Variants in MCC observed in about 807,000 individuals in gnomAD.
MCC encodes the protein colorectal mutant cancer protein.
Under a neutral mutation model 116.2 loss-of-function variants are expected in MCC, and 90 were observed. The ratio of observed to expected loss-of-function variants is 0.77; its 90% CI spans 0.65 to 0.92. The LOEUF is 0.92. Among genes scored for constraint, MCC ranks in the 40% least tolerant of loss-of-function variants. MCC has a pLI of 0.00. For synonymous variants in MCC, 578 were observed against 510.5 expected, an observed-to-expected ratio of 1.13 and a Z score of -1.78; for missense variants, 1,516 against 1,312.2, an observed-to-expected ratio of 1.16 and a Z score of -2.40.
At chr5:113,242,624 T>C (rs1370678304) in intron 3 of MCC, among the ~76,000 whole-genome samples, 1 of 151,940 alleles carries the variant, frequency 6.6e-6, no homozygotes, top group African/African-American at 2.4e-5. Context: ...ACTAATGCCT[T>C]CTTAGACAAC....
chr5:113,088,979 A>G (rs1345909731), intron 8 of MCC, among the ~76,000 whole-genome samples: 1 of 152,082 alleles, frequency 6.6e-6, no homozygotes, highest in African/African-American at 2.4e-5. Flanking sequence ...GTTTCTCTCT[A>G]CAAAATATAT....
intron 11 of MCC, among the ~76,000 whole-genome samples, chr5:113,077,997 C>A (rs6866351): frequency 1.3e-4 from 20 of 152,264 alleles, no homozygotes; most frequent in African/African-American, 4.6e-4. Flanking sequence ...CACAAAAATA[C>A]AAACTACCAT....
intron 3 of MCC, among the ~76,000 whole-genome samples, chr5:113,170,177 G>A (rs929690724): frequency 1.6e-4 from 25 of 152,226 alleles, no homozygotes; most frequent in Admixed American, 6.5e-5. Flanking sequence ...ATTGATGGTA[G>A]TGTCTTAATC....
At position 113,143,283 on chromosome 5, in the gene MCC, T is replaced by C. The variant is rs1351469308; in HGVS notation, c.819A>G (p.Thr273=). 6.2e-7 allele frequency: 1 copy of C among 1,613,850 alleles called. No homozygotes were observed. The highest frequency in any genetic ancestry group is 2.2e-5 in the East Asian group (1 of 44,844). The change falls in exon 5 of 19, where the codon ACA becomes ACG. Residue 273 remains threonine, a synonymous_variant. Transcript: ENST00000408903. ...GCTCCGCAATGACGCTGTGGAGCTC[T>C]GTGATGCGTTCCTCATAGCGAAGTG... is the stretch of plus-strand genomic sequence containing the variant. ...RTTLRYEERI[T]ELHSVIAELN... is the part of the protein sequence containing the mutation.
chr5:113,246,033 G>A (rs1179073478), intron 3 of MCC, among the ~76,000 whole-genome samples: 5 of 152,170 alleles, frequency 3.3e-5, no homozygotes, highest in Admixed American at 2.0e-4. Flanking sequence ...AATATTTCCC[G>A]AGGGGAAGAT....
chr5:113,150,755 AT>A (rs1759809470), intron 4 of MCC, among the ~76,000 whole-genome samples: 2 of 152,194 alleles, frequency 1.3e-5, no homozygotes, highest in Admixed American at 1.3e-4. Context: ...AAGGAAGAAA[AT>A]TAATATTAAC....
chr5:113,114,136 A>T (rs1449007848), intron 6 of MCC, among the ~76,000 whole-genome samples: 1 of 152,188 alleles, frequency 6.6e-6, no homozygotes, highest in Non-Finnish European at 1.5e-5. Context: ...AGAGAAAAAA[A>T]TCAAAATGTG....
At position 113,117,316 on chromosome 5, in the gene MCC, C is replaced by T. The variant is rs935588488; in HGVS notation, c.1027+5368G>A. On this transcript the variant is annotated intron_variant, in intron 6 of 18. Coordinates refer to ENST00000408903, the MANE Select transcript of MCC (RefSeq NM_001085377.2). ...AACATATTTCACAGTCACAACCGCA[C>T]CAAAAAACCAGGTTTCATGTGGAAA... is the stretch of plus-strand genomic sequence containing the variant. Among the ~76,000 whole-genome samples, 3 of 152,134 alleles carry T rather than the reference C, an allele frequency of 2.0e-5. No homozygotes were observed. In the South Asian group the frequency reaches 6.2e-4, roughly 32 times the overall value.
At chr5:113,037,468 G>C (rs2416301) in intron 17 of MCC, among the ~76,000 whole-genome samples, 33,582 of 152,134 alleles carry the variant, frequency 0.22, 3,833 homozygotes, top group Middle Eastern at 0.28. Flanking sequence ...TGAGGCGGGC[G>C]GATCAGTTGA....
chr5:113,364,264 GAAAAA>G (rs35759225), intron 2 of MCC, among the ~76,000 whole-genome samples: 1 of 101,946 alleles, frequency 9.8e-6, no homozygotes, highest in African/African-American at 3.7e-5. Flanking sequence ...AAAAAAACCA[GAAAAA>G]AAAAAAAAAG....
At chr5:113,397,760 C>T (rs772370879) in intron 1 of MCC, among the ~76,000 whole-genome samples, 26 of 152,136 alleles carry the variant, frequency 1.7e-4, no homozygotes, top group Non-Finnish European at 3.4e-4. Context: ...AGGAAATACT[C>T]TTCTGAACAT....
intron 3 of MCC, among the ~76,000 whole-genome samples, chr5:113,152,515 CAAGT>C (rs1399684378): frequency 5.3e-5 from 8 of 152,176 alleles, no homozygotes; most frequent in Non-Finnish European, 1.0e-4. Context: ...AGAAGGATTT[CAAGT>C]AAGAAGTGAG....
chr5:113,449,290 C>A (rs894064503), intron 1 of MCC, among the ~76,000 whole-genome samples: 14 of 152,078 alleles, frequency 9.2e-5, no homozygotes, highest in African/African-American at 3.4e-4. Context: ...ACAAATTAGC[C>A]TCGGAAAGAT....
At chr5:113,046,871 A>G (rs573408402) in intron 16 of MCC, among the ~76,000 whole-genome samples, 1 of 152,182 alleles carries the variant, frequency 6.6e-6, no homozygotes, top group East Asian at 1.9e-4. Context: ...CACTTGGCAT[A>G]GTGACTTCTC....
At chr5:113,483,330 C>A (rs348963) in intron 1 of MCC, among the ~76,000 whole-genome samples, 1 of 152,004 alleles carries the variant, frequency 6.6e-6, no homozygotes, top group Admixed American at 6.5e-5. Flanking sequence ...CTGAGAAGGA[C>A]TGCATTGATT....
At chr5:113,145,785 AACACACACACACACACACAC>A (rs765343942) in intron 4 of MCC, among the ~76,000 whole-genome samples, 49 of 6,426 alleles carry the variant, frequency 7.6e-3, no homozygotes, top group Admixed American at 0.045. Flanking sequence ...CACACACACA[AACACACACACACACACACAC>A]AAAAGACCCT....
At chr5:113,048,981 A>T (rs560472978) in intron 16 of MCC, 112 bp downstream of exon 16, 2 of 976,302 alleles carry the variant, frequency 2.0e-6, no homozygotes, top group Admixed American at 2.0e-5. Context: ...TGCATTTCCT[A>T]TGCAAATACA....
intron 2 of MCC, among the ~76,000 whole-genome samples, chr5:113,368,539 C>G (rs977378842): frequency 2.1e-4 from 32 of 152,038 alleles, no homozygotes; most frequent in African/African-American, 7.0e-4. Flanking sequence ...TCCCTCCTTT[C>G]TCTGGAAGAT....
At position 113,257,858 on chromosome 5, in the gene MCC, T is replaced by C. The variant is rs1413865270; in HGVS notation, c.627+82661A>G. Among the ~76,000 whole-genome samples the C allele has an allele frequency of 2.0e-5, 3 of 152,156 alleles. No homozygotes were observed. The East Asian group carries it at 5.8e-4, about 29-fold the overall frequency. On this transcript the variant is annotated intron_variant, in intron 3 of 18. Coordinates refer to ENST00000408903, the MANE Select transcript of MCC (RefSeq NM_001085377.2). ...CATGTTCCCGAGGGAGGGGAAAGCG[T>C]TCTATCTAGAGCACAGGTATAGAAA...
Sources: allele counts gnomAD v4.1 joint callset (sites outside exome capture counted in the v4.1 genomes callset), GRCh38; gene constraint gnomAD v4.1.1; transcripts MANE v1.5; gene names NCBI Gene and HGNC (gene_info 2026-07-23, HGNC 2026-07-21).